Variants in MPG observed in about 807,000 individuals in gnomAD.
MPG encodes DNA-3-methyladenine glycosylase.
A neutral mutation model predicts 31.7 loss-of-function variants in MPG; 33 were observed. That is an observed-to-expected ratio of 1.04 (90% CI 0.79 to 1.39). MPG has a LOEUF of 1.39. Ranked by LOEUF, MPG falls within the 40% of genes most tolerant of loss-of-function variation. The pLI is 0.00. For missense variants in MPG, 455 were observed against 415.5 expected (o/e 1.10, Z -0.83); for synonymous variants, 202 against 169.2 (o/e 1.19, Z -1.51).
intron 2 of MPG, among the ~76,000 whole-genome samples, chr16:82,082 C>CCGGCGAGCATCT (rs764532513): frequency 8.7e-6 from 1 of 115,460 alleles, no homozygotes; most frequent in African/African-American, 5.5e-5. Context: ...GAATGCTCCC[C>CCGGCGAGCATCT]ACGCTGGCCC....
intron 3 of MPG, among the ~76,000 whole-genome samples, chr16:84,960 T>C (rs1039874644): frequency 6.6e-6 from 1 of 152,256 alleles, no homozygotes; most frequent in Non-Finnish European, 1.5e-5. Context: ...CCTGGCTGAA[T>C]GATCGCACCC....
rs139921792 is a variant in MPG at position 79,937 on chromosome 16, T to A, written c.300+237T>A. 3.5e-3 allele frequency: 2,083 copies of A among 587,616 alleles called. 79 individuals are homozygous for A. The Admixed American group carries it at 0.056, about 16-fold the overall frequency. The allele number at this position is 587,616 out of a possible 1,614,324, so 36.4% of individuals were successfully genotyped here. A position where few individuals can be genotyped will look rare whatever the true frequency, so the allele number is the denominator to read the frequency against. On this transcript the variant is annotated intron_variant, in intron 2 of 3. Transcript: ENST00000356432. Reference sequence around the variant, plus strand: ...CCAGGGTGGAGCAGGGGTGCCACTGTCTGCCCCCGGCTCTGGGCATCTAGG... The same window carrying A: ...CCAGGGTGGAGCAGGGGTGCCACTGACTGCCCCCGGCTCTGGGCATCTAGG...
At chr16:79,275 C>T (rs756647865) in intron 1 of MPG, 150 bp from the exon 2 acceptor site, 9 of 1,567,056 alleles carry the variant, frequency 5.7e-6, no homozygotes, top group Non-Finnish European at 7.8e-6. Flanking sequence ...GTGTTTGTGC[C>T]TCATAACAAC....
chr16:80,719 G>C (rs1191781192), intron 2 of MPG, among the ~76,000 whole-genome samples: 1 of 152,122 alleles, frequency 6.6e-6, no homozygotes, highest in Non-Finnish European at 1.5e-5. Context: ...TGAGGCAGGA[G>C]AATCACTTGA....
At position 78,266 on chromosome 16, in the gene MPG, G is replaced by A; in HGVS notation, c.-44G>A. 2.2e-6 allele frequency: 3 copies of A among 1,369,904 alleles called. No individual in the cohort carries two copies. Among genetic ancestry groups the A allele is most frequent in the South Asian group, 3.1e-5 (2 of 64,500 alleles). 84.9% of individuals were successfully genotyped at this position (1,369,904 alleles called of 1,614,324 possible). The stretch of plus-strand genomic sequence containing the variant: ...CCGTGGTCGGCGGCTGCTGGGCTCC[G>A]CGCCGGGGTCCGAGTCCCACGAAGC... On this transcript the variant is annotated 5_prime_UTR_variant, in exon 1 of 4. Coordinates refer to ENST00000356432, the MANE Select transcript of MPG (RefSeq NM_001015052.3).
In MPG at chr16:78,239, T is replaced by TTCCGTGGTCGGCGGCTGCTGGGC; in HGVS notation, c.-66_-44dup. ...CGCTCCGCCCCGGTCCTAGGGGTGC[T>TTCCGTGGTCGGCGGCTGCTGGGC]TCCGTGGTCGGCGGCTGCTGGGCTC... is the stretch of plus-strand genomic sequence containing the variant. On this transcript the variant is annotated 5_prime_UTR_variant, in exon 1 of 4. Coordinates refer to ENST00000356432, the MANE Select transcript of MPG (RefSeq NM_001015052.3). 7.4e-7 allele frequency: 1 copy of TTCCGTGGTCGGCGGCTGCTGGGC among 1,344,096 alleles called. No individual in the cohort carries two copies. The highest frequency in any genetic ancestry group is 9.6e-7 in the Non-Finnish European group (1 of 1,037,462). The allele number at this position is 1,344,096 out of a possible 1,614,324, so 83.3% of individuals were successfully genotyped here.
intron 2 of MPG, among the ~76,000 whole-genome samples, chr16:81,016 A>G (rs1238774375): frequency 1.3e-5 from 2 of 152,140 alleles, no homozygotes; most frequent in Non-Finnish European, 2.9e-5. Flanking sequence ...AGGGTGTCTC[A>G]CCCTGTGTCC....
rs1429711806 is a variant in MPG, at chr16:85,796, C to G, written c.*19C>G. 2.7e-6 allele frequency: 4 copies of G among 1,459,814 alleles called. No homozygotes were observed. Among genetic ancestry groups the G allele is most frequent in the Non-Finnish European group, 2.7e-6 (3 of 1,103,838 alleles). The allele number at this position is 1,459,814 out of a possible 1,614,324, so 90.4% of individuals were successfully genotyped here. On this transcript the variant is annotated 3_prime_UTR_variant, in exon 4 of 4. Transcript: ENST00000356432. ...GGCCTGAGCAAAGGGCCTGCCCAGA[C>G]AAGATTTTTTAATTGTTTAAAAACC... is the stretch of plus-strand genomic sequence containing the variant.
At position 85,484 on chromosome 16, in the gene MPG, A is replaced by G; in HGVS notation, c.589A>G (p.Lys197Glu). Residue 197 changes from lysine to glutamate, a missense_variant, in exon 4 of 4, where the codon AAA becomes GAA. Physicochemically the swap from Lys to Glu is moderately conservative, Grantham distance 56. Transcript: ENST00000356432. ...GCGTCAGCTTCGCAGCACCCTCCGG[A>G]AAGGCACCGCCAGCCGTGTCCTCAA... ...TMRQLRSTLR[K>E]GTASRVLKDR... is the part of the protein sequence containing the mutation. The G allele has an allele frequency of 6.2e-7, 1 of 1,613,208 alleles. No individual in the cohort carries two copies.
Position 79,913 on chromosome 16 carries a change from C to T in MPG, c.300+213C>T, listed in dbSNP as rs1898196039. 1.1e-5 allele frequency: 7 copies of T among 627,174 alleles called. No homozygotes were observed. In the South Asian group the frequency reaches 1.4e-4, roughly 13 times the overall value. 38.9% of individuals were successfully genotyped at this position (627,174 alleles called of 1,614,324 possible). A position where few individuals can be genotyped will look rare whatever the true frequency, so the allele number is the denominator to read the frequency against. ...GTAGAGATTGTCAGTGCTGCTTGCC[C>T]AGGGTGGAGCAGGGGTGCCACTGTC... On this transcript the variant is annotated intron_variant, in intron 2 of 3. Coordinates refer to ENST00000356432, the MANE Select transcript of MPG (RefSeq NM_001015052.3).
At chr16:78,778 T>C (rs1898159709) in intron 1 of MPG, among the ~76,000 whole-genome samples, 1 of 152,148 alleles carries the variant, frequency 6.6e-6, no homozygotes, top group Non-Finnish European at 1.5e-5. Context: ...TGTGGTTAGG[T>C]TCCCCCTACC....
At position 79,234 on chromosome 16, in the gene MPG, G is replaced by T; in HGVS notation, c.25-191G>T. On this transcript the variant is annotated intron_variant, in intron 1 of 3. Coordinates refer to ENST00000356432, the MANE Select transcript of MPG (RefSeq NM_001015052.3). ...GCAGCAGCCGTCCATCGTCAGACGT[G>T]ATCATTTCCTGAGGCCTCGAGTGTG... The T allele has an allele frequency of 7.1e-6, 11 of 1,552,176 alleles. 2 individuals are homozygous for T. The South Asian group carries it at 1.3e-4, about 18-fold the overall frequency.
chr16:84,980 C>T (rs1898383327), intron 3 of MPG, among the ~76,000 whole-genome samples: 1 of 152,256 alleles, frequency 6.6e-6, no homozygotes, highest in Admixed American at 6.5e-5. Context: ...CGAGGACTGG[C>T]TCTCTGGAGC....
Position 85,792 on chromosome 16 carries a change from C to A in MPG, c.*15C>A, listed in dbSNP as rs774856649. ...CACAGGCCTGAGCAAAGGGCCTGCC[C>A]AGACAAGATTTTTTAATTGTTTAAA... On this transcript the variant is annotated 3_prime_UTR_variant, in exon 4 of 4. Transcript: ENST00000356432. 48 of 1,464,972 alleles carry A rather than the reference C, an allele frequency of 3.3e-5. No individual in the cohort carries two copies. Among genetic ancestry groups the A allele is most frequent in the Non-Finnish European group, 4.2e-5 (47 of 1,106,438 alleles). The allele number at this position is 1,464,972 out of a possible 1,614,324, so 90.7% of individuals were successfully genotyped here.
rs145609972 is a variant in MPG at position 85,719 on chromosome 16, G to A, written c.824G>A (p.Arg275Gln). The A allele has an allele frequency of 5.9e-6, 9 of 1,531,778 alleles. No homozygotes were observed. The highest frequency in any genetic ancestry group is 1.4e-5 in the African/African-American group (1 of 72,698). 94.9% of individuals were successfully genotyped at this position (1,531,778 alleles called of 1,614,324 possible). A position where few individuals can be genotyped will look rare whatever the true frequency, so the allele number is the denominator to read the frequency against. The change falls in exon 4 of 4, where the codon CGG becomes CAG. Residue 275 changes from arginine to glutamine, a missense_variant. Arg to Gln is a conservative substitution (Grantham distance 43, BLOSUM62 1). Coordinates refer to ENST00000356432, the MANE Select transcript of MPG (RefSeq NM_001015052.3). ...WARKPLRFYVRGSPWVSVVDR... is the reference protein window; with the variant it reads ...WARKPLRFYVQGSPWVSVVDR... ...CGGAAACCCCTCCGCTTCTATGTCCGGGGCAGCCCCTGGGTCAGTGTGGTC... is the reference window on the plus strand; with the variant it reads ...CGGAAACCCCTCCGCTTCTATGTCCAGGGCAGCCCCTGGGTCAGTGTGGTC...
chr16:79,258 T>A lies in MPG; in HGVS notation c.25-167T>A, dbSNP rs761878153. On this transcript the variant is annotated intron_variant, in intron 1 of 3. Coordinates refer to ENST00000356432, the MANE Select transcript of MPG (RefSeq NM_001015052.3). ...TGATCATTTCCTGAGGCCTCGAGTG[T>A]GTCAGGGTGTTTGTGCCTCATAACA... 1.9e-6 allele frequency: 3 copies of A among 1,554,326 alleles called. No homozygotes were observed. In the East Asian group the frequency reaches 7.3e-5, roughly 38 times the overall value.
intron 1 of MPG, chr16:78,995 G>GTCTC (rs202064908): frequency 1.4e-6 from 2 of 1,383,120 alleles, no homozygotes; most frequent in African/African-American, 2.9e-5. Flanking sequence ...CTAAGATCCT[G>GTCTC]TGTTTTGAAT....
intron 2 of MPG, among the ~76,000 whole-genome samples, chr16:81,378 C>A (rs371229616): frequency 3.4e-4 from 52 of 152,218 alleles, no homozygotes; most frequent in African/African-American, 1.1e-3. Context: ...GTAGTTGGGC[C>A]CCCCCAGTGT....
chr16:80,115 A>C (rs1283282272), intron 2 of MPG, among the ~76,000 whole-genome samples: 1 of 152,222 alleles, frequency 6.6e-6, no homozygotes, highest in Non-Finnish European at 1.5e-5. Flanking sequence ...CTGCAGCTTA[A>C]TGTAGGTCAA....
Sources: gnomAD v4.1 joint callset for allele counts (sites outside exome capture counted in the v4.1 genomes callset) on GRCh38, gnomAD v4.1.1 for gene constraint, MANE v1.5 for transcripts, NCBI Gene and HGNC (gene_info 2026-07-23, HGNC 2026-07-21) for gene names.